The following SCOC variants were observed in gnomAD, a reference collection of about 807,000 sequenced individuals.
The protein encoded by SCOC is short coiled coil protein.
Under a neutral mutation model 9.9 loss-of-function variants are expected in SCOC, and 7 were observed. That is an observed-to-expected ratio of 0.71 (90% CI 0.40 to 1.33). SCOC has a LOEUF of 1.33. Among genes scored for constraint, SCOC ranks in the 40% most tolerant of loss-of-function variants. The probability of loss-of-function intolerance (pLI) is 0.01; values close to 1 mark genes in which losing one functional copy is unlikely to be tolerated. For synonymous variants in SCOC, 19 were observed against 28.2 expected (o/e 0.67, Z 1.03); for missense variants, 66 against 89.7 (o/e 0.74, Z 1.07).
chr4:140,380,347 G>A (rs1728524898), intron 3 of SCOC, among the ~76,000 whole-genome samples: 1 of 151,722 alleles, frequency 6.6e-6, no homozygotes, highest in Non-Finnish European at 1.5e-5. Flanking sequence ...ACAGGCACCT[G>A]CTACCATGCC....
Position 140,383,083 on chromosome 4 carries a change from A to G in SCOC, c.*1979A>G, listed in dbSNP as rs545552542. ...GGCTGTGCCTGGAAATGGCTCATAT[A>G]TCTTCTCATATTCCAGTGGTGTGGA... On this transcript the variant is annotated 3_prime_UTR_variant, in exon 4 of 4. Coordinates refer to ENST00000608372, the MANE Select transcript of SCOC (RefSeq NM_001153484.2). The G allele has an allele frequency of 6.6e-6, 1 of 152,346 alleles. No homozygotes were observed. The highest frequency in any genetic ancestry group is 2.1e-4 in the South Asian group (1 of 4,824). The allele number at this position is 152,346 out of a possible 1,614,324, so 9.4% of individuals were successfully genotyped here. A position where few individuals can be genotyped will look rare whatever the true frequency, so the allele number is the denominator to read the frequency against.
At chr4:140,316,938 A>G (rs1160883075) in intron 1 of SCOC, among the ~76,000 whole-genome samples, 1 of 152,166 alleles carries the variant, frequency 6.6e-6, no homozygotes. Flanking sequence ...GAGAAAATAT[A>G]ATCTGAGTCA....
At chr4:140,333,148 C>G (rs1233002997) in intron 1 of SCOC, among the ~76,000 whole-genome samples, 1 of 152,156 alleles carries the variant, frequency 6.6e-6, no homozygotes, top group African/African-American at 2.4e-5. Context: ...AGCGTTCTTC[C>G]TTCAGATGCC....
At chr4:140,262,509 T>A (rs1730653645) in intron 1 of SCOC, among the ~76,000 whole-genome samples, 1 of 152,196 alleles carries the variant, frequency 6.6e-6, no homozygotes, top group Non-Finnish European at 1.5e-5. Context: ...GTGCTTTCTC[T>A]CTTTGCTTGT....
At chr4:140,329,118 C>T (rs919677392) in intron 1 of SCOC, among the ~76,000 whole-genome samples, 1 of 152,156 alleles carries the variant, frequency 6.6e-6, no homozygotes, top group Non-Finnish European at 1.5e-5. Context: ...ACCAGAGGAA[C>T]AGAATAGAGA....
intron 1 of SCOC, among the ~76,000 whole-genome samples, chr4:140,262,217 G>A (rs1304719769): frequency 2.0e-5 from 3 of 152,176 alleles, no homozygotes; most frequent in South Asian, 2.1e-4. Flanking sequence ...TAGTGCCTCC[G>A]TGTTTGTTTT....
rs770833532 is a variant in SCOC at position 140,384,280 on chromosome 4, T to TA, written c.*3177dup. 2.0e-5 allele frequency: 3 copies of TA among 152,204 alleles called. No individual in the cohort carries two copies. Among genetic ancestry groups the TA allele is most frequent in the Non-Finnish European group, 4.4e-5 (3 of 68,030 alleles). 9.4% of individuals were successfully genotyped at this position (152,204 alleles called of 1,614,324 possible). ...TAATGGTAAGCTAATGCTATATACT[T>TA]AGTTTTTGCTATGCAATACTTCAGG... On this transcript the variant is annotated 3_prime_UTR_variant, in exon 4 of 4. Coordinates refer to ENST00000608372, the MANE Select transcript of SCOC (RefSeq NM_001153484.2).
chr4:140,343,539 A>C, intron 1 of SCOC: 9 of 824,144 alleles, frequency 1.1e-5, no homozygotes, highest in Non-Finnish European at 1.6e-5. Context: ...CCTGCTTGGA[A>C]GTTCACTGAT....
chr4:140,359,405 A>C (rs1727368005), intron 2 of SCOC, among the ~76,000 whole-genome samples: 1 of 151,864 alleles, frequency 6.6e-6, no homozygotes, highest in Non-Finnish European at 1.5e-5. Context: ...CCCTAGAGTA[A>C]ATGTTCTAAG....
At chr4:140,369,687 C>A (rs2668579), upstream of SCOC, among the ~76,000 whole-genome samples, 119,970 of 151,774 alleles carry the variant, frequency 0.79, 47,909 homozygotes, top group Non-Finnish European at 0.85. Flanking sequence ...TTAGGACTTC[C>A]CCCATTCTCT....
chr4:140,333,828 T>G (rs1007061754), intron 1 of SCOC, among the ~76,000 whole-genome samples: 3 of 152,220 alleles, frequency 2.0e-5, no homozygotes, highest in Non-Finnish European at 4.4e-5. Flanking sequence ...CAAATCCACA[T>G]CATTTAACCC....
At chr4:140,371,101 G>C (rs2126580472), upstream of SCOC, among the ~76,000 whole-genome samples, 1 of 152,060 alleles carries the variant, frequency 6.6e-6, no homozygotes, top group Middle Eastern at 3.4e-3. Flanking sequence ...TAGCCAGGAT[G>C]GTCTCAATCT....
chr4:140,345,509 G>T (rs1156656363), intron 2 of SCOC, among the ~76,000 whole-genome samples: 2 of 152,088 alleles, frequency 1.3e-5, no homozygotes, highest in Non-Finnish European at 2.9e-5. Context: ...TGGTAACACT[G>T]GTTCATCTTT....
Position 140,362,323 on chromosome 4 carries a change from T to G in SCOC, c.71-16798T>G, listed in dbSNP as rs561651842. On this transcript the variant is annotated intron_variant, in intron 2 of 4. Coordinates refer to the SCOC transcript ENST00000338517. Reference sequence around the variant, plus strand: ...TCTTTTTTTTTTTTTTTTGTGAGAGTCTCGCTCTGCTGCCCAGGCTGGAGT... The same window carrying G: ...TCTTTTTTTTTTTTTTTTGTGAGAGGCTCGCTCTGCTGCCCAGGCTGGAGT... 2.3e-3 allele frequency among the ~76,000 whole-genome samples: 37 copies of G among 15,908 alleles called. 2 individuals are homozygous for G. The South Asian group carries it at 0.051, about 22-fold the overall frequency. 10.4% of individuals were successfully genotyped at this position (15,908 alleles called of 152,430 possible).
chr4:140,373,549 G>C (rs1186499851), upstream of SCOC: 1 of 1,551,758 alleles, frequency 6.4e-7, no homozygotes, highest in Admixed American at 2.0e-5. Flanking sequence ...GCGCAGGCGT[G>C]TATTCTCGAG....
intron 1 of SCOC, among the ~76,000 whole-genome samples, chr4:140,270,601 G>A (rs865799307): frequency 3.3e-5 from 5 of 152,154 alleles, no homozygotes; most frequent in African/African-American, 1.2e-4. Flanking sequence ...GAGGCATAGG[G>A]TCTACCCCTC....
chr4:140,303,942 CT>C (rs1731887384), intron 1 of SCOC, among the ~76,000 whole-genome samples: 1 of 152,220 alleles, frequency 6.6e-6, no homozygotes, highest in Non-Finnish European at 1.5e-5. Context: ...TCAACAAATT[CT>C]AATGGAAAGT....
At position 140,382,708 on chromosome 4, in the gene SCOC, C is replaced by G. The variant is rs533774112; in HGVS notation, c.*1604C>G. The G allele has an allele frequency of 1.3e-5, 2 of 152,704 alleles. No individual in the cohort carries two copies. The highest frequency in any genetic ancestry group is 3.9e-4 in the East Asian group (2 of 5,192). The allele number at this position is 152,704 out of a possible 1,614,324, so 9.5% of individuals were successfully genotyped here. A position where few individuals can be genotyped will look rare whatever the true frequency, so the allele number is the denominator to read the frequency against. ...AATATTTTTATTAATACAACTATAACTGGTTATCAATATAAATATCATAGG... is the reference window on the plus strand; with the variant it reads ...AATATTTTTATTAATACAACTATAAGTGGTTATCAATATAAATATCATAGG... On this transcript the variant is annotated 3_prime_UTR_variant, in exon 4 of 4. Transcript: ENST00000608372.
At chr4:140,342,468 T>C (rs983299188), upstream of SCOC, among the ~76,000 whole-genome samples, 6 of 152,210 alleles carry the variant, frequency 3.9e-5, no homozygotes, top group African/African-American at 1.4e-4. Flanking sequence ...AATAGGCACT[T>C]AATATTTGCA....
Sources: allele counts gnomAD v4.1 joint callset (sites outside exome capture counted in the v4.1 genomes callset), GRCh38; gene constraint gnomAD v4.1.1; transcripts MANE v1.5; gene names NCBI Gene and HGNC (gene_info 2026-07-23, HGNC 2026-07-21).